PLEKHA6: variants seen among roughly 807,000 people sequenced by gnomAD.
The protein encoded by PLEKHA6 is pleckstrin homology domain containing A6.
In PLEKHA6, 60 loss-of-function variants were observed where a neutral mutation model predicts 116.7. The ratio of observed to expected loss-of-function variants is 0.51; its 90% CI spans 0.42 to 0.64. The LOEUF (loss-of-function observed/expected upper bound fraction) is 0.64, where lower values mean the gene tolerates loss of function less well. Among genes scored for constraint, PLEKHA6 ranks in the 30% least tolerant of loss-of-function variants. The probability of loss-of-function intolerance (pLI) is 0.00; values close to 1 mark genes in which losing one functional copy is unlikely to be tolerated. For synonymous variants in PLEKHA6, 489 were observed against 556.1 expected (o/e 0.88, Z 1.70); for missense variants, 1,338 against 1,422.7 (o/e 0.94, Z 0.96).
In PLEKHA6 at chr1:204,359,679, T is replaced by C. The variant is rs926970122; in HGVS notation, c.-95+15A>G. On this transcript the variant is annotated intron_variant, in intron 1 of 22. Coordinates refer to ENST00000272203, the MANE Select transcript of PLEKHA6 (RefSeq NM_014935.5). ...CCTCCCACCTCATCTATGTGATGCATGAAAACAGACTCACCGGCTTCTGAG... is the reference window on the plus strand; with the variant it reads ...CCTCCCACCTCATCTATGTGATGCACGAAAACAGACTCACCGGCTTCTGAG... 3 of 981,420 alleles carry C rather than the reference T, an allele frequency of 3.1e-6. No individual in the cohort carries two copies. The highest frequency in any genetic ancestry group is 1.7e-5 in the African/African-American group (1 of 57,270). The allele number at this position is 981,420 out of a possible 1,614,324, so 60.8% of individuals were successfully genotyped here.
chr1:204,337,784 C>T (rs116725569), intron 1 of PLEKHA6, among the ~76,000 whole-genome samples: 2,564 of 152,172 alleles, frequency 0.017, 64 homozygotes, highest in African/African-American at 0.055. Context: ...TTGGGAGGCA[C>T]GTACCACAAT....
At chr1:204,263,503 G>T (rs1056217854) in intron 6 of PLEKHA6, among the ~76,000 whole-genome samples, 2 of 152,258 alleles carry the variant, frequency 1.3e-5, no homozygotes, top group Non-Finnish European at 2.9e-5. Flanking sequence ...AGAACCCTTT[G>T]TGGGCCACCG....
intron 1 of PLEKHA6, among the ~76,000 whole-genome samples, chr1:204,319,019 C>A (rs1046688004): frequency 3.3e-5 from 5 of 152,214 alleles, no homozygotes; most frequent in African/African-American, 1.2e-4. Context: ...TCCCAGTCTG[C>A]CCTTGCTTCC....
intron 5 of PLEKHA6, among the ~76,000 whole-genome samples, chr1:204,265,568 T>A (rs1666694495): frequency 6.6e-6 from 1 of 152,228 alleles, no homozygotes. Flanking sequence ...GCTAGCATTG[T>A]TGACCACTAT....
intron 3 of PLEKHA6, among the ~76,000 whole-genome samples, chr1:204,367,190 T>C (rs921049534): frequency 3.3e-5 from 5 of 151,864 alleles, no homozygotes; most frequent in African/African-American, 1.2e-4. Flanking sequence ...CAAGATTAAG[T>C]CCAGGGCAAC....
Position 204,277,466 on chromosome 1 carries a change from G to A in PLEKHA6, c.-94-2657C>T, listed in dbSNP as rs1465901073. On this transcript the variant is annotated intron_variant, in intron 1 of 22. Coordinates refer to ENST00000272203, the MANE Select transcript of PLEKHA6 (RefSeq NM_014935.5). This position sits in a 1 kb window ranked among gnomAD's most constrained non-coding sequence, Gnocchi z 4.1. ...AAGGACGCAGAGTAGCTGGACGGGT[G>A]AAGGAGTCTGGGGCTGCATTCCCAT... is the stretch of plus-strand genomic sequence containing the variant. 1 of 152,248 alleles carries A rather than the reference G, an allele frequency of 6.6e-6. No homozygotes were observed. Among genetic ancestry groups the A allele is most frequent in the East Asian group, 1.9e-4 (1 of 5,180 alleles). 9.4% of individuals were successfully genotyped at this position (152,248 alleles called of 1,614,324 possible).
chr1:204,241,025 T>A (rs371504317), intron 17 of PLEKHA6, among the ~76,000 whole-genome samples: 1 of 152,196 alleles, frequency 6.6e-6, no homozygotes, highest in Non-Finnish European at 1.5e-5. Context: ...GTTTTGGAAC[T>A]CAGACTGGCT....
chr1:204,227,753 C>CT (rs1385649152), intron 21 of PLEKHA6, among the ~76,000 whole-genome samples: 1 of 152,218 alleles, frequency 6.6e-6, no homozygotes, highest in African/African-American at 2.4e-5. Context: ...TCAAACTCAG[C>CT]TGTCATCTTT....
chr1:204,295,100 A>G (rs1254775227), intron 1 of PLEKHA6, among the ~76,000 whole-genome samples: 1 of 152,238 alleles, frequency 6.6e-6, no homozygotes, highest in Non-Finnish European at 1.5e-5. Flanking sequence ...TCCTAGTGTA[A>G]TTTGAACTGG....
chr1:204,247,267 T>A (rs1291375226), intron 13 of PLEKHA6, 98 bp downstream of exon 13: 1 of 696,754 alleles, frequency 1.4e-6, no homozygotes, highest in Non-Finnish European at 2.5e-6. Flanking sequence ...AAACTTAGAG[T>A]CTGTTATCAA....
intron 15 of PLEKHA6, chr1:204,243,017 T>C (rs1663059405): frequency 2.5e-6 from 1 of 399,144 alleles, no homozygotes; most frequent in African/African-American, 2.1e-5. Context: ...GGAAAATTAA[T>C]GGGGAAAATG....
At chr1:204,265,922 G>A (rs1378863717) in intron 5 of PLEKHA6, among the ~76,000 whole-genome samples, 1 of 152,196 alleles carries the variant, frequency 6.6e-6, no homozygotes, top group Non-Finnish European at 1.5e-5. Context: ...GCTGGAAGCA[G>A]GAAGCAAGAA....
chr1:204,223,107 T>C lies in PLEKHA6; in HGVS notation c.*9-328A>G, dbSNP rs189604663. 6.6e-6 allele frequency among the ~76,000 whole-genome samples: 1 copy of C among 152,152 alleles called. No individual in the cohort carries two copies. Among genetic ancestry groups the C allele is most frequent in the Non-Finnish European group, 1.5e-5 (1 of 68,000 alleles). ...TTCTGCATCTGTGTATCTCAACAGA[T>C]GGAAAGCTTGTCAGCAGACAGGAGG... On this transcript the variant is annotated intron_variant, in intron 22 of 22. Coordinates refer to ENST00000272203, the MANE Select transcript of PLEKHA6 (RefSeq NM_014935.5). This position sits in a 1 kb window ranked among gnomAD's most constrained non-coding sequence, Gnocchi z 4.8.
chr1:204,236,960 C>T (rs934030162), intron 17 of PLEKHA6, among the ~76,000 whole-genome samples: 3 of 152,180 alleles, frequency 2.0e-5, no homozygotes, highest in Non-Finnish European at 4.4e-5. Flanking sequence ...TGCAGTGAAT[C>T]TTTCTTCTAT....
At chr1:204,244,317 T>G (rs1399597666) in intron 15 of PLEKHA6, among the ~76,000 whole-genome samples, 1 of 151,818 alleles carries the variant, frequency 6.6e-6, no homozygotes, top group African/African-American at 2.4e-5. Context: ...TTTTTTTTTT[T>G]TTTTTAGTAA....
intron 1 of PLEKHA6, among the ~76,000 whole-genome samples, chr1:204,284,715 G>A (rs552208440): frequency 1.5e-4 from 23 of 152,206 alleles, no homozygotes; most frequent in African/African-American, 5.5e-4. Flanking sequence ...GCAAGGAATG[G>A]ACAGCGTGTG....
chr1:204,252,261 C>G (rs1664672118), intron 9 of PLEKHA6, among the ~76,000 whole-genome samples: 1 of 150,892 alleles, frequency 6.6e-6, no homozygotes, highest in Admixed American at 6.6e-5. Flanking sequence ...CACATTCTTT[C>G]TATTTCAAGA....
intron 17 of PLEKHA6, among the ~76,000 whole-genome samples, chr1:204,237,833 C>T (rs1352843161): frequency 1.3e-5 from 2 of 152,238 alleles, no homozygotes; most frequent in African/African-American, 4.8e-5. Context: ...TGGTTCATTA[C>T]ATTGATGACC....
rs1662424400 is a variant in PLEKHA6 at position 204,238,880 on chromosome 1, A to G, written c.2409+2495T>C. 1.3e-5 allele frequency among the ~76,000 whole-genome samples: 2 copies of G among 152,254 alleles called. No homozygotes were observed. Among genetic ancestry groups the G allele is most frequent in the African/African-American group, 4.8e-5 (2 of 41,466 alleles). ...CTTCCCAGTGGGCAGAACTTCAAGC[A>G]GTGCACCTGGCTGTGCACTTTGCAT... is the stretch of plus-strand genomic sequence containing the variant. On this transcript the variant is annotated intron_variant, in intron 17 of 22. Transcript: ENST00000272203. The surrounding 1 kb of genome is among the most constrained non-coding windows in gnomAD (Gnocchi z 4.2).
Sources: allele counts gnomAD v4.1 joint callset (sites outside exome capture counted in the v4.1 genomes callset), GRCh38; gene constraint gnomAD v4.1.1; non-coding constraint Gnocchi (gnomAD v3.1); transcripts MANE v1.5; gene names NCBI Gene and HGNC (gene_info 2026-07-23, HGNC 2026-07-21).